Variants in TPST2 observed in about 807,000 individuals in gnomAD.
TPST2 encodes tyrosylprotein sulfotransferase 2.
In TPST2, 16 loss-of-function variants were observed where a neutral mutation model predicts 27.8. That is an observed-to-expected ratio of 0.58 (90% CI 0.39 to 0.88). TPST2 has a LOEUF of 0.88. TPST2 is among the 40% of genes least tolerant of loss of function. The pLI, the probability that TPST2 is intolerant of heterozygous loss-of-function variation, is 0.00. For synonymous variants in TPST2, 229 were observed against 231.7 expected (o/e 0.99, Z 0.10); for missense variants, 464 against 543.1 (o/e 0.85, Z 1.45).
At position 26,530,830 on chromosome 22, in the gene TPST2, C is replaced by T. The variant is rs146277261; in HGVS notation, c.1092+1865G>A. 8.4e-3 allele frequency among the ~76,000 whole-genome samples: 1,274 copies of T among 151,930 alleles called. 11 individuals are homozygous for T. The highest frequency in any genetic ancestry group is 0.014 in the Non-Finnish European group (934 of 67,946). ...TTCGAGACCAGCCTGGCCAACATGG[C>T]GAAACCCCTTTCTACTAAAAATACA... is the stretch of plus-strand genomic sequence containing the variant. On this transcript the variant is annotated intron_variant, in intron 5 of 6. Transcript: ENST00000338754.
At chr22:26,577,266 A>T (rs1191051364) in intron 1 of TPST2, among the ~76,000 whole-genome samples, 143 of 43,816 alleles carry the variant, frequency 3.3e-3, no homozygotes, top group Admixed American at 0.025. Context: ...CCCTGTCTTT[A>T]AAAAAAAAAA....
rs1225211705 is a variant in TPST2, at chr22:26,525,728, G to T, written c.*547C>A. 1 of 148,134 alleles carries T rather than the reference G, an allele frequency of 6.8e-6. No homozygotes were observed. Among genetic ancestry groups the T allele is most frequent in the South Asian group, 2.1e-4 (1 of 4,702 alleles). 9.2% of individuals were successfully genotyped at this position (148,134 alleles called of 1,614,324 possible). ...TACCTGACAAAATCCAGTATGGAAA[G>T]AAAAAAAAAACCCTATTCATTCAGT... On this transcript the variant is annotated 3_prime_UTR_variant, in exon 7 of 7. Transcript: ENST00000338754.
At chr22:26,529,318 C>T (rs1001997645) in intron 5 of TPST2, among the ~76,000 whole-genome samples, 3 of 152,130 alleles carry the variant, frequency 2.0e-5, no homozygotes, top group South Asian at 2.1e-4. Flanking sequence ...TTAGTAGAGA[C>T]AGGGTTTCAC....
chr22:26,569,253 A>C (rs1307086519), intron 1 of TPST2, among the ~76,000 whole-genome samples: 1 of 152,128 alleles, frequency 6.6e-6, no homozygotes, highest in Non-Finnish European at 1.5e-5. Context: ...CATGGATACA[A>C]AGTACAAAAA....
chr22:26,559,929 A>AT (rs201900245), intron 1 of TPST2, among the ~76,000 whole-genome samples: 2,400 of 152,240 alleles, frequency 0.016, 28 homozygotes, highest in Non-Finnish European at 0.024. Context: ...GGAAATCCAC[A>AT]CGGTGTGACA....
At chr22:26,534,913 C>T (rs1300976781) in intron 4 of TPST2, among the ~76,000 whole-genome samples, 3 of 152,022 alleles carry the variant, frequency 2.0e-5, no homozygotes, top group Non-Finnish European at 4.4e-5. Context: ...TGGGTTGCAG[C>T]CATTCACCTG....
rs1343161056 is a variant in TPST2, at chr22:26,528,205, C to T, written c.*7+9G>A. The T allele has an allele frequency of 6.4e-7, 1 of 1,559,300 alleles. No individual in the cohort carries two copies. Among genetic ancestry groups the T allele is most frequent in the East Asian group, 2.4e-5 (1 of 41,942 alleles). On this transcript the variant is annotated intron_variant, in intron 6 of 6. Coordinates refer to ENST00000338754, the MANE Select transcript of TPST2 (RefSeq NM_003595.5). ...CAGCGGGAACCCCCAGTGAAGTCCA[C>T]AGGCTTACCTGGAAATCACGAGCTT...
At chr22:26,579,026 C>CT (rs1193092327) in intron 1 of TPST2, among the ~76,000 whole-genome samples, 3 of 151,908 alleles carry the variant, frequency 2.0e-5, no homozygotes, top group African/African-American at 7.3e-5. Context: ...GATTTTTGTA[C>CT]TTTTTTGTAG....
intron 1 of TPST2, among the ~76,000 whole-genome samples, chr22:26,549,527 C>T (rs922735205): frequency 5.3e-5 from 8 of 151,344 alleles, no homozygotes; most frequent in African/African-American, 1.9e-4. Flanking sequence ...CATGGTGGCG[C>T]GTGGCTGTAA....
At chr22:26,564,262 T>C (rs889844604) in intron 1 of TPST2, among the ~76,000 whole-genome samples, 2 of 152,160 alleles carry the variant, frequency 1.3e-5, no homozygotes, top group Admixed American at 6.5e-5. Flanking sequence ...TCACTCTCAG[T>C]AGCTGCTTGG....
At chr22:26,529,108 A>C (rs1242823058) in intron 5 of TPST2, among the ~76,000 whole-genome samples, 1 of 151,898 alleles carries the variant, frequency 6.6e-6, no homozygotes, top group Admixed American at 6.6e-5. Context: ...AGACCAAGGC[A>C]TGATTAGAGG....
In TPST2 at chr22:26,536,269, A is replaced by C. The variant is rs1181120195; in HGVS notation, c.1041+19T>G. On this transcript the variant is annotated intron_variant, in intron 4 of 6. Transcript: ENST00000338754. ...ATATCCCCAAGAGTACACTTCCACA[A>C]GTACAGGTGCACACTCACCCGCTGT... The C allele has an allele frequency of 2.5e-6, 4 of 1,613,986 alleles. No homozygotes were observed. The African/African-American group carries it at 5.3e-5, about 22-fold the overall frequency.
At position 26,546,021 on chromosome 22, in the gene TPST2, G is replaced by A. The variant is rs147153696; in HGVS notation, c.-160-1346C>T. On this transcript the variant is annotated intron_variant, in intron 1 of 6. Transcript: ENST00000338754. ...AAGCCCAGGAGGTCGAGGCTGCAGC[G>A]AGCTGTGATTGCATCACTGCACTAC... Among the ~76,000 whole-genome samples, 212 of 149,620 alleles carry A rather than the reference G, an allele frequency of 1.4e-3. 1 individual carries two copies. The highest frequency in any genetic ancestry group is 6.9e-3 in the Middle Eastern group (2 of 288).
At chr22:26,537,482 T>G (rs1294617501) in intron 3 of TPST2, among the ~76,000 whole-genome samples, 1 of 152,214 alleles carries the variant, frequency 6.6e-6, no homozygotes, top group Non-Finnish European at 1.5e-5. Flanking sequence ...AGATGGAGTC[T>G]CACTCTGTTG....
intron 4 of TPST2, among the ~76,000 whole-genome samples, chr22:26,535,607 C>T (rs1410583171): frequency 6.6e-6 from 1 of 152,152 alleles, no homozygotes; most frequent in African/African-American, 2.4e-5. Context: ...AGCGAGACCC[C>T]GCCTTTATAA....
At position 26,536,495 on chromosome 22, in the gene TPST2, A is replaced by G. The variant is rs1404989150; in HGVS notation, c.843-9T>C. 2 of 1,511,154 alleles carry G rather than the reference A, an allele frequency of 1.3e-6. No homozygotes were observed. The highest frequency in any genetic ancestry group is 1.4e-5 in the South Asian group (1 of 73,554). 93.6% of individuals were successfully genotyped at this position (1,511,154 alleles called of 1,614,324 possible). Reference sequence around the variant, plus strand: ...CCGTGGACCGCTCGATCCTGGGGAGAGAGGAGACGCTGGAGAGGGTAGGGC... The same window carrying G: ...CCGTGGACCGCTCGATCCTGGGGAGGGAGGAGACGCTGGAGAGGGTAGGGC... On this transcript the variant is annotated splice_polypyrimidine_tract_variant and intron_variant, in intron 3 of 6. Coordinates refer to ENST00000338754, the MANE Select transcript of TPST2 (RefSeq NM_003595.5).
chr22:26,575,596 G>A (rs1200637215), intron 1 of TPST2, among the ~76,000 whole-genome samples: 2 of 152,140 alleles, frequency 1.3e-5, no homozygotes. Flanking sequence ...CCCGGCATCC[G>A]GCATAGAGCA....
Position 26,541,571 on chromosome 22 carries a change from C to T in TPST2, c.60G>A (p.Leu20=), listed in dbSNP as rs760753864. ...GCACCTGCTGTCCCAGCTGAACCGC[C>T]AGCACCAGGACCAGGGCGCAGCCGG... ...LAAGCALVLV[L]AVQLGQQVLE... is the part of the protein sequence containing the mutation. The change falls in exon 3 of 7, where the codon CTG becomes CTA. Residue 20 remains leucine, a synonymous_variant. Transcript: ENST00000338754. This position sits in a 1 kb window ranked among gnomAD's most constrained non-coding sequence, Gnocchi z 5.9. The T allele has an allele frequency of 4.7e-5, 75 of 1,608,798 alleles. No individual in the cohort carries two copies. The highest frequency in any genetic ancestry group is 5.9e-5 in the Non-Finnish European group (70 of 1,178,740).
At chr22:26,581,874 T>C (rs1034984269) in intron 1 of TPST2, among the ~76,000 whole-genome samples, 1 of 152,206 alleles carries the variant, frequency 6.6e-6, no homozygotes, top group Non-Finnish European at 1.5e-5. Flanking sequence ...CTGGTCTCTA[T>C]CACAACTACT....
Sources: gnomAD v4.1 joint callset for allele counts (sites outside exome capture counted in the v4.1 genomes callset) on GRCh38, gnomAD v4.1.1 for gene constraint, Gnocchi (gnomAD v3.1) non-coding constraint, MANE v1.5 for transcripts, NCBI Gene and HGNC (gene_info 2026-07-23, HGNC 2026-07-21) for gene names.